MGST1: variants seen among roughly 807,000 people sequenced by gnomAD.
The protein encoded by MGST1 is glutathione S-transferase 12.
Under a neutral mutation model 8.9 loss-of-function variants are expected in MGST1, and 5 were observed. The ratio of observed to expected loss-of-function variants is 0.56; its 90% CI spans 0.29 to 1.19. The LOEUF (loss-of-function observed/expected upper bound fraction) is 1.19, where lower values mean the gene tolerates loss of function less well. Ranked by LOEUF, MGST1 falls within the 50% of genes most tolerant of loss-of-function variation. The pLI is 0.08. For synonymous variants in MGST1, 54 were observed against 67.8 expected, an observed-to-expected ratio of 0.80 and a Z score of 1.00; for missense variants, 182 against 187.4, an observed-to-expected ratio of 0.97 and a Z score of 0.17.
chr12:16,573,733 C>T (rs1942902196), intron 4 of MGST1: 1 of 152,138 alleles, frequency 6.6e-6, no homozygotes, highest in Non-Finnish European at 1.5e-5. Context: ...TGAAGCAGCC[C>T]TGAGGGATTG....
In MGST1 at chr12:16,537,410, A is replaced by T. The variant is rs915416486; in HGVS notation, n.483-52118A>T. Among the ~76,000 whole-genome samples the T allele has an allele frequency of 1.3e-5, 2 of 151,956 alleles. No homozygotes were observed. The highest frequency in any genetic ancestry group is 6.6e-5 in the Admixed American group (1 of 15,260). On this transcript the variant is annotated intron_variant and non_coding_transcript_variant, in intron 4 of 4. Transcript: ENST00000538857. This position sits in a 1 kb window ranked among gnomAD's most constrained non-coding sequence, Gnocchi z 4.6. The stretch of plus-strand genomic sequence containing the variant: ...CCAGTAGCATGGTGCAAGCTGTGGG[A>T]TCTACCATTCTGGGATCTGGAGCAT...
intron 4 of MGST1, among the ~76,000 whole-genome samples, chr12:16,569,978 A>G (rs1217481946): frequency 6.6e-6 from 1 of 152,188 alleles, no homozygotes; most frequent in Non-Finnish European, 1.5e-5. Flanking sequence ...ATCAGCCACA[A>G]TTATACGAGC....
At chr12:16,538,678 G>A (rs1490766055) in intron 4 of MGST1, among the ~76,000 whole-genome samples, 3 of 149,006 alleles carry the variant, frequency 2.0e-5, no homozygotes, top group Non-Finnish European at 4.4e-5. Flanking sequence ...GCGAGATCTC[G>A]GCTCACTGCA....
intron 4 of MGST1, among the ~76,000 whole-genome samples, chr12:16,532,777 G>C (rs1443155644): frequency 6.6e-6 from 1 of 152,006 alleles, no homozygotes; most frequent in African/African-American, 2.4e-5. Flanking sequence ...CAAATCTGCT[G>C]TTTCATGTAA....
At position 16,521,240 on chromosome 12, in the gene MGST1, A is replaced by G. The variant is rs74869648; in HGVS notation, n.483-68288A>G. On this transcript the variant is annotated intron_variant and non_coding_transcript_variant, in intron 4 of 4. Coordinates refer to the MGST1 transcript ENST00000538857. ...TTCGTGTGAGGAAAATCAGTAGACT[A>G]TCTTGTCAGAATAGCCAGACCACAA... Among the ~76,000 whole-genome samples the G allele has an allele frequency of 9.6e-3, 1,464 of 152,206 alleles. 49 individuals are homozygous for G. The East Asian group carries it at 0.14, about 14-fold the overall frequency.
At chr12:16,418,245 A>G (rs998762823) in intron 1 of MGST1, among the ~76,000 whole-genome samples, 3 of 152,156 alleles carry the variant, frequency 2.0e-5, no homozygotes, top group African/African-American at 4.8e-5. Flanking sequence ...TTAAAATACT[A>G]TGCCCAAGGA....
At chr12:16,393,941 G>C (rs898301651) in intron 1 of MGST1, among the ~76,000 whole-genome samples, 3 of 152,156 alleles carry the variant, frequency 2.0e-5, no homozygotes, top group African/African-American at 7.2e-5. Context: ...CATTTAGGCT[G>C]CTTCTAGTTT....
In MGST1 at chr12:16,402,035, C is replaced by T. The variant is rs548006529; in HGVS notation, n.778+18431C>T. ...TGAACACTCCAATCTTCTTGCCATT[C>T]TTGCTTTCTTTAATGGCTTCAATCA... On this transcript the variant is annotated intron_variant and non_coding_transcript_variant, in intron 1 of 1. Coordinates refer to the MGST1 transcript ENST00000359720. 549 of 1,591,314 alleles carry T rather than the reference C, an allele frequency of 3.4e-4. 1 individual carries two copies. The highest frequency in any genetic ancestry group is 3.0e-3 in the Middle Eastern group (17 of 5,726).
chr12:16,358,307 G>A (rs1311340550), intron 3 of MGST1, among the ~76,000 whole-genome samples: 5 of 152,036 alleles, frequency 3.3e-5, no homozygotes, highest in Non-Finnish European at 7.4e-5. Context: ...CCCTCTAATA[G>A]TCCCCAAAAT....
At chr12:16,368,590 T>C (rs1355482459), downstream of MGST1, among the ~76,000 whole-genome samples, 1 of 152,154 alleles carries the variant, frequency 6.6e-6, no homozygotes, top group African/African-American at 2.4e-5. Flanking sequence ...AACTGTTGGA[T>C]TTGACAAGGA....
chr12:16,538,624 T>C (rs940929194), intron 4 of MGST1, among the ~76,000 whole-genome samples: 1 of 151,088 alleles, frequency 6.6e-6, no homozygotes, highest in Non-Finnish European at 1.5e-5. Flanking sequence ...TTTTTTTTTT[T>C]TTGAGACAGA....
intron 1 of MGST1, among the ~76,000 whole-genome samples, chr12:16,418,618 A>C (rs1445485141): frequency 6.6e-6 from 1 of 152,094 alleles, no homozygotes; most frequent in Non-Finnish European, 1.5e-5. Context: ...TTCACTGAGA[A>C]ATAAGAAGAT....
exon 4 of MGST1, chr12:16,376,209 C>A: frequency 1.2e-6 from 1 of 805,412 alleles, no homozygotes; most frequent in Non-Finnish European, 1.9e-6. Flanking sequence ...AGAAATGTTT[C>A]CTTGTAGAAG....
chr12:16,387,586 G>GCA (rs1192105319), intron 1 of MGST1, among the ~76,000 whole-genome samples: 2 of 151,628 alleles, frequency 1.3e-5, no homozygotes, highest in African/African-American at 4.9e-5. Context: ...GAGTGCAGTG[G>GCA]GGCTATCTCG....
chr12:16,546,160 A>T lies in MGST1; in HGVS notation n.483-43368A>T, dbSNP rs1941822555. Among the ~76,000 whole-genome samples the T allele has an allele frequency of 6.6e-6, 1 of 152,154 alleles. No homozygotes were observed. Among genetic ancestry groups the T allele is most frequent in the African/African-American group, 2.4e-5 (1 of 41,450 alleles). On this transcript the variant is annotated intron_variant and non_coding_transcript_variant, in intron 4 of 4. Transcript: ENST00000538857. The surrounding 1 kb of genome is among the most constrained non-coding windows in gnomAD (Gnocchi z 4.7). ...CGCTATTATTACTAAAAGTTATTGAAGATGGGTCATATGAAAATGTTACCT... is the reference window on the plus strand; with the variant it reads ...CGCTATTATTACTAAAAGTTATTGATGATGGGTCATATGAAAATGTTACCT...
Position 16,398,730 on chromosome 12 carries a change from C to T in MGST1, n.778+15126C>T, listed in dbSNP as rs560639387. 7.2e-5 allele frequency among the ~76,000 whole-genome samples: 11 copies of T among 152,314 alleles called. No individual in the cohort carries two copies. In the South Asian group the frequency reaches 1.4e-3, roughly 20 times the overall value. On this transcript the variant is annotated intron_variant and non_coding_transcript_variant, in intron 1 of 1. Transcript: ENST00000359720. ...AAGCAGGAAAACTCGGACAAAGGCA[C>T]CAGCCCAATCTGCCTCACTGGCTCA...
chr12:16,569,591 G>A (rs1942738325), intron 4 of MGST1, among the ~76,000 whole-genome samples: 1 of 152,152 alleles, frequency 6.6e-6, no homozygotes, highest in African/African-American at 2.4e-5. Flanking sequence ...AAAATAGAAT[G>A]TTTTTCCCTT....
chr12:16,522,389 T>A (rs1179653850), intron 4 of MGST1, among the ~76,000 whole-genome samples: 1 of 152,144 alleles, frequency 6.6e-6, no homozygotes, highest in Non-Finnish European at 1.5e-5. Flanking sequence ...ATAACTCTTT[T>A]ACCTAAAATG....
intron 4 of MGST1, among the ~76,000 whole-genome samples, chr12:16,478,271 G>A (rs541350146): frequency 3.9e-5 from 6 of 152,088 alleles, no homozygotes; most frequent in Non-Finnish European, 5.9e-5. Context: ...CTCATGATCC[G>A]CCTGCCTCGG....
Sources: allele counts gnomAD v4.1 joint callset (sites outside exome capture counted in the v4.1 genomes callset), GRCh38; gene constraint gnomAD v4.1.1; non-coding constraint Gnocchi (gnomAD v3.1); transcripts MANE v1.5; gene names NCBI Gene and HGNC (gene_info 2026-07-23, HGNC 2026-07-21).